Variants in MCM5 observed in about 807,000 individuals in gnomAD.
MCM5 encodes the protein minichromosome maintenance complex component 5.
In MCM5, 46 loss-of-function variants were observed where a neutral mutation model predicts 79.9. The ratio of observed to expected loss-of-function variants is 0.58; its 90% CI spans 0.45 to 0.74. The LOEUF is 0.74. Among genes scored for constraint, MCM5 ranks in the 30% least tolerant of loss-of-function variants. The pLI is 0.00. For synonymous variants in MCM5, 404 were observed against 390.5 expected, an observed-to-expected ratio of 1.03 and a Z score of -0.41; for missense variants, 883 against 1,017.0, an observed-to-expected ratio of 0.87 and a Z score of 1.79.
intron 7 of MCM5, 70 bp downstream of exon 7, chr22:35,410,980 A>T: frequency 7.0e-7 from 1 of 1,430,354 alleles, no homozygotes; most frequent in East Asian, 2.3e-5. Flanking sequence ...GGTAACAGGC[A>T]GCTCGTTACT....
chr22:35,415,828 G>A lies in MCM5; in HGVS notation c.1204-1G>A. On this transcript the variant is annotated splice_acceptor_variant, in intron 9 of 16. Transcript: ENST00000216122. LOFTEE classifies it high-confidence loss of function. The stretch of plus-strand genomic sequence containing the variant: ...GCCCTGACACCACCCCACTGCCCCA[G>A]GTATACACGTCTGGGAAAGGCAGCA... 3.1e-6 allele frequency: 5 copies of A among 1,612,078 alleles called. No individual in the cohort carries two copies. The highest frequency in any genetic ancestry group is 4.2e-6 in the Non-Finnish European group (5 of 1,179,166).
At position 35,406,734 on chromosome 22, in the gene MCM5, G is replaced by C; in HGVS notation, c.596+9G>C. On this transcript the variant is annotated intron_variant, in intron 5 of 16. Coordinates refer to ENST00000216122, the MANE Select transcript of MCM5 (RefSeq NM_006739.4). ...CCCAGGAAGTGCAACACGTGAGTCT[G>C]TGGCCCAGAGGGACTGTGGGAGGTG... is the stretch of plus-strand genomic sequence containing the variant. The C allele has an allele frequency of 6.2e-7, 1 of 1,604,856 alleles. No individual in the cohort carries two copies. Among genetic ancestry groups the C allele is most frequent in the Non-Finnish European group, 8.5e-7 (1 of 1,179,764 alleles).
At chr22:35,453,819 TAGAGAGAGAGAG>T in the MCM5 span, among the ~76,000 whole-genome samples, 20 of 81,550 alleles carry the variant, frequency 2.5e-4, no homozygotes, top group Non-Finnish European at 4.0e-4. Context: ...TATATATATA[TAGAGAGAGAGAG>T]AGAGAGAGAG....
At chr22:35,416,240 G>GT in intron 10 of MCM5, 99 bp from the exon 11 acceptor site, 1 of 1,198,174 alleles carries the variant, frequency 8.3e-7, no homozygotes, top group Non-Finnish European at 1.2e-6. Flanking sequence ...CGTGGAGCTG[G>GT]TATTCAGGAG....
chr22:35,429,582 T>C (rs1932799640), downstream of MCM5, among the ~76,000 whole-genome samples: 1 of 151,982 alleles, frequency 6.6e-6, no homozygotes, highest in Non-Finnish European at 1.5e-5. Flanking sequence ...TCACCCAGGC[T>C]GGAGTGCAGT....
At chr22:35,428,970 C>CT (rs35549972), downstream of MCM5, among the ~76,000 whole-genome samples, 30,823 of 65,382 alleles carry the variant, frequency 0.47, 9,436 homozygotes, top group Non-Finnish European at 0.56. Context: ...TTTCTTTGAC[C>CT]TTTTTTTTTT....
rs1258522045 is a variant in MCM5, at chr22:35,406,674, T to C, written c.545T>C (p.Ile182Thr). 2 of 1,611,422 alleles carry C rather than the reference T, an allele frequency of 1.2e-6. No homozygotes were observed. Among genetic ancestry groups the C allele is most frequent in the African/African-American group, 1.3e-5 (1 of 74,934 alleles). Reference sequence around the variant, plus strand: ...AGCTGCCGCAACACCCTCACCAACATTGCCATGCGCCCTGGCCTCGAGGGC... The same window carrying C: ...AGCTGCCGCAACACCCTCACCAACACTGCCATGCGCCCTGGCCTCGAGGGC... ...CRSCRNTLTNIAMRPGLEGYA... is the reference protein window; with the variant it reads ...CRSCRNTLTNTAMRPGLEGYA... The change falls in exon 5 of 17, where the codon ATT (isoleucine) becomes ACT (threonine). Residue 182 changes from isoleucine (I) to threonine (T), a missense_variant. Ile to Thr is a moderately conservative substitution (Grantham distance 89). Transcript: ENST00000216122.
intron 4 of MCM5, among the ~76,000 whole-genome samples, chr22:35,406,001 ACT>A (rs1932199547): frequency 2.7e-5 from 4 of 150,676 alleles, no homozygotes; most frequent in South Asian, 2.1e-4. Flanking sequence ...ACACAGCAAG[ACT>A]CTGTCTCAAA....
downstream of MCM5, among the ~76,000 whole-genome samples, chr22:35,430,038 A>G (rs540094574): frequency 6.6e-6 from 1 of 152,338 alleles, no homozygotes; most frequent in South Asian, 2.1e-4. Context: ...AGCCCTAGGC[A>G]CACCCGTTGG....
the MCM5 span, among the ~76,000 whole-genome samples, chr22:35,443,810 C>A: frequency 3.3e-5 from 5 of 152,154 alleles, no homozygotes; most frequent in Non-Finnish European, 5.9e-5. Flanking sequence ...ATGTGAATTC[C>A]TCCTTCAGGA....
At chr22:35,419,424 C>T (rs1331872908) in intron 13 of MCM5, among the ~76,000 whole-genome samples, 5 of 152,178 alleles carry the variant, frequency 3.3e-5, no homozygotes, top group African/African-American at 9.7e-5. Flanking sequence ...CTGCAGTCAC[C>T]GCCAAGCCTC....
intron 5 of MCM5, among the ~76,000 whole-genome samples, chr22:35,407,817 T>C (rs1031031951): frequency 6.6e-6 from 1 of 152,230 alleles, no homozygotes; most frequent in South Asian, 2.1e-4. Flanking sequence ...TGCTTGTATG[T>C]CTTTTCAGCC....
chr22:35,415,696 G>C, intron 9 of MCM5, 133 bp from the exon 10 acceptor site: 1 of 985,922 alleles, frequency 1.0e-6, no homozygotes, highest in Non-Finnish European at 1.5e-6. Flanking sequence ...GGAGCCTTGA[G>C]TCCTATTCTG....
the MCM5 span, among the ~76,000 whole-genome samples, chr22:35,441,384 T>C: frequency 2.2e-4 from 33 of 152,178 alleles, no homozygotes; most frequent in Non-Finnish European, 4.4e-4. Flanking sequence ...GGCTCTTGGT[T>C]TGGGGACCAG....
intron 13 of MCM5, among the ~76,000 whole-genome samples, chr22:35,418,975 G>A (rs892177521): frequency 1.4e-4 from 22 of 152,162 alleles, no homozygotes; most frequent in African/African-American, 3.1e-4. Context: ...GATTCTTGTC[G>A]TACAGCGCTT....
chr22:35,423,498 T>C, intron 16 of MCM5, 157 bp downstream of exon 16: 2 of 740,008 alleles, frequency 2.7e-6, no homozygotes, highest in Middle Eastern at 2.8e-4. Context: ...TAGCCATCAT[T>C]CCTTCCCTAG....
chr22:35,452,669 C>G, the MCM5 span, among the ~76,000 whole-genome samples: 1 of 152,186 alleles, frequency 6.6e-6, no homozygotes, highest in African/African-American at 2.4e-5. Flanking sequence ...TTTTCGTTGA[C>G]TCTGCAGCTC....
the MCM5 span, among the ~76,000 whole-genome samples, chr22:35,446,607 G>A: frequency 1.3e-4 from 20 of 152,240 alleles, no homozygotes; most frequent in East Asian, 3.9e-3. Context: ...GAGCACTACG[G>A]CATGTGGAGG....
In MCM5 at chr22:35,423,339, C is replaced by T. The variant is rs1314032181; in HGVS notation, c.2101C>T (p.Gln701Ter). 1 of 1,598,426 alleles carries T rather than the reference C, an allele frequency of 6.3e-7. No homozygotes were observed. Among genetic ancestry groups the T allele is most frequent in the Non-Finnish European group, 8.5e-7 (1 of 1,169,592 alleles). ...CAGCATCATCAAGGACTTCACCAAG[C>T]AGGTGAGCCTGCCTTGGAGTGGGGG... ...EHSIIKDFTK[Q>*]KYPEHAIHKV... The change falls in exon 16 of 17, where the codon CAG (glutamine) becomes TAG (stop). Residue 701 changes from glutamine to a stop codon, truncating the protein, a stop_gained and splice_region_variant. Coordinates refer to ENST00000216122, the MANE Select transcript of MCM5 (RefSeq NM_006739.4). LOFTEE classifies it high-confidence loss of function.
Sources: allele counts gnomAD v4.1 joint callset (sites outside exome capture counted in the v4.1 genomes callset), GRCh38; gene constraint gnomAD v4.1.1; transcripts MANE v1.5; gene names NCBI Gene and HGNC (gene_info 2026-07-23, HGNC 2026-07-21).